Variants in ACAD9 observed in about 807,000 individuals in gnomAD.
ACAD9 encodes acyl-CoA dehydrogenase family member 9.
A neutral mutation model predicts 70.2 loss-of-function variants in ACAD9; 53 were observed. The observed-to-expected ratio is 0.75, with a 90% CI of 0.61 to 0.95. The LOEUF (loss-of-function observed/expected upper bound fraction) is 0.95, where lower values mean the gene tolerates loss of function less well. ACAD9 is among the 40% of genes least tolerant of loss of function. The pLI, the probability that ACAD9 is intolerant of heterozygous loss-of-function variation, is 0.00. For missense variants in ACAD9, 777 were observed against 802.8 expected (o/e 0.97, Z 0.39); for synonymous variants, 313 against 312.1 (o/e 1.00, Z -0.03).
chr3:128,896,390 T>C (rs1935570975), intron 4 of ACAD9, 46 bp from the exon 5 acceptor site: 35 of 1,573,162 alleles, frequency 2.2e-5, no homozygotes, highest in Non-Finnish European at 3.1e-5. Context: ...CCTCATGCTC[T>C]CCTTTCTCCC....
At chr3:128,906,927 G>T (rs907897206) in intron 12 of ACAD9, among the ~76,000 whole-genome samples, 1 of 152,214 alleles carries the variant, frequency 6.6e-6, no homozygotes, top group African/African-American at 2.4e-5. Flanking sequence ...TTATTTGGTT[G>T]TATCTGTGTT....
At chr3:128,897,855 AT>A (rs1010278347) in intron 6 of ACAD9, 145 bp downstream of exon 6, 46 of 817,448 alleles carry the variant, frequency 5.6e-5, no homozygotes, top group Non-Finnish European at 7.6e-5. Context: ...TTTGTTTTTA[AT>A]TTTTTTTAGT....
At chr3:128,909,565 A>C in intron 15 of ACAD9, 144 bp downstream of exon 15, 4 of 905,744 alleles carry the variant, frequency 4.4e-6, no homozygotes, top group Non-Finnish European at 6.9e-6. Context: ...TGGTGAGGTC[A>C]GGCTGACTTT....
chr3:128,912,567 G>C lies in ACAD9; in HGVS notation c.1826G>C (p.Arg609Pro). ...GTGTCCCAGCAGATCCTTGAGAAGC[G>C]AGCCTATATCTGTGCCCACCCTCTG... ...KKVSQQILEK[R>P]AYICAHPLDR... The change falls in exon 18 of 18, where the codon CGA becomes CCA. Residue 609 changes from arginine (R) to proline (P), a missense_variant. Transcript: ENST00000308982. The C allele has an allele frequency of 6.2e-7, 1 of 1,614,162 alleles. No individual in the cohort carries two copies. The highest frequency in any genetic ancestry group is 1.1e-5 in the South Asian group (1 of 91,082).
In ACAD9 at chr3:128,902,276, C is replaced by T. The variant is rs777784433; in HGVS notation, c.883-277C>T. ...TTGGTCTTGAACTCCTGGGCTCAAGCGATCCTCTTGCCTTGGCCTTCCAAA... is the reference window on the plus strand; with the variant it reads ...TTGGTCTTGAACTCCTGGGCTCAAGTGATCCTCTTGCCTTGGCCTTCCAAA... On this transcript the variant is annotated intron_variant, in intron 8 of 17. Transcript: ENST00000308982. The surrounding 1 kb of genome is among the most constrained non-coding windows in gnomAD (Gnocchi z 4.0). Among the ~76,000 whole-genome samples, 8 of 152,242 alleles carry T rather than the reference C, an allele frequency of 5.3e-5. No homozygotes were observed. Among genetic ancestry groups the T allele is most frequent in the South Asian group, 2.1e-4 (1 of 4,836 alleles).
At chr3:128,897,365 A>G (rs959222426) in intron 5 of ACAD9, among the ~76,000 whole-genome samples, 5 of 152,130 alleles carry the variant, frequency 3.3e-5, no homozygotes, top group Non-Finnish European at 7.4e-5. Context: ...TATTTTTAGT[A>G]GAGACGGGGT....
At chr3:128,910,196 CCTG>C (rs150666665) in intron 16 of ACAD9, 47 bp downstream of exon 16, 57,359 of 1,612,968 alleles carry the variant, frequency 0.036, 1,211 homozygotes, top group Middle Eastern at 0.096. Context: ...TGCCATCTGT[CCTG>C]CTGCACTTTA....
chr3:128,906,358 A>C, intron 12 of ACAD9, 109 bp downstream of exon 12: 1 of 1,539,516 alleles, frequency 6.5e-7, no homozygotes, highest in Non-Finnish European at 8.8e-7. Flanking sequence ...GCTGGGTCGC[A>C]TGCTCTCAGG....
At chr3:128,907,969 G>T (rs1301614649) in intron 12 of ACAD9, among the ~76,000 whole-genome samples, 1 of 152,174 alleles carries the variant, frequency 6.6e-6, no homozygotes, top group Non-Finnish European at 1.5e-5. Context: ...GAGGTGGGGG[G>T]GTCCCAGTGG....
At chr3:128,909,120 TA>T in intron 14 of ACAD9, 21 bp downstream of exon 14, 1 of 1,613,692 alleles carries the variant, frequency 6.2e-7, no homozygotes, top group Non-Finnish European at 8.5e-7. Context: ...CTAACAGGCA[TA>T]CCCCCTATTT....
chr3:128,891,356 C>T (rs577349373), intron 2 of ACAD9, among the ~76,000 whole-genome samples: 1 of 152,270 alleles, frequency 6.6e-6, no homozygotes, highest in Admixed American at 6.5e-5. Flanking sequence ...CATGGTGGCT[C>T]ATGCCCGTAA....
In ACAD9 at chr3:128,897,521, TAA is replaced by T. The variant is rs1020417383; in HGVS notation, c.555-108_555-107del. On this transcript the variant is annotated intron_variant, in intron 5 of 17. Transcript: ENST00000308982. The stretch of plus-strand genomic sequence containing the variant: ...GAATATGTTATCTGACCCTTCATTT[TAA>T]AAGTTTGCTGACCTCTTACAAGTAC... 113 of 962,178 alleles carry T rather than the reference TAA, an allele frequency of 1.2e-4. No individual in the cohort carries two copies. The African/African-American group carries it at 1.6e-3, about 13-fold the overall frequency. 59.6% of individuals were successfully genotyped at this position (962,178 alleles called of 1,614,324 possible).
intron 13 of ACAD9, 192 bp downstream of exon 13, chr3:128,908,456 CT>C: frequency 3.0e-6 from 2 of 668,980 alleles, no homozygotes; most frequent in South Asian, 3.4e-5. Flanking sequence ...CTGCCCTGCC[CT>C]TATGGCCACA....
chr3:128,889,143 T>TTTTTG (rs200964088), intron 2 of ACAD9, among the ~76,000 whole-genome samples: 48 of 151,920 alleles, frequency 3.2e-4, no homozygotes, highest in African/African-American at 1.2e-3. Flanking sequence ...CTGTACAGCT[T>TTTTTG]TTTTGTTTTG....
intron 2 of ACAD9, among the ~76,000 whole-genome samples, chr3:128,890,951 C>G (rs778553243): frequency 6.6e-6 from 1 of 151,276 alleles, no homozygotes; most frequent in Admixed American, 6.6e-5. Flanking sequence ...AAGCGATTCT[C>G]CTGCCTCAGC....
Position 128,890,785 on chromosome 3 carries a change from T to A in ACAD9, c.245-2770T>A, listed in dbSNP as rs976032228. On this transcript the variant is annotated intron_variant, in intron 2 of 17. Coordinates refer to ENST00000308982, the MANE Select transcript of ACAD9 (RefSeq NM_014049.5). The stretch of plus-strand genomic sequence containing the variant: ...TGCATTTCTTTATCAATTTTACAAT[T>A]TTCAATGTCTGCAAAAAGGCCTACA... Among the ~76,000 whole-genome samples, 4 of 152,204 alleles carry A rather than the reference T, an allele frequency of 2.6e-5. No individual in the cohort carries two copies. In the East Asian group the frequency reaches 7.7e-4, roughly 29 times the overall value.
chr3:128,909,468 G>A (rs1350403509), intron 15 of ACAD9, 47 bp downstream of exon 15: 2 of 1,586,886 alleles, frequency 1.3e-6, no homozygotes, highest in African/African-American at 2.7e-5. Context: ...CCTCCAATTT[G>A]GCCAGCATTC....
chr3:128,898,777 A>G (rs1935645429), intron 6 of ACAD9, among the ~76,000 whole-genome samples: 1 of 152,126 alleles, frequency 6.6e-6, no homozygotes, highest in Non-Finnish European at 1.5e-5. Context: ...GTTTGCTTGA[A>G]TTAAGATCCA....
chr3:128,908,186 G>C lies in ACAD9; in HGVS notation c.1280G>C (p.Gly427Ala), dbSNP rs1935957051. ...RDTRILLIFE[G>A]TNEILRMYIA... ...TGACCTCTACACTACTGACCACAGGGAACCAATGAGATTCTCCGGATGTAC... is the reference window on the plus strand; with the variant it reads ...TGACCTCTACACTACTGACCACAGGCAACCAATGAGATTCTCCGGATGTAC... Residue 427 changes from glycine (G) to alanine (A), a missense_variant and splice_region_variant, in exon 13 of 18, where the codon GGA becomes GCA. By Grantham distance (60) the Gly-to-Ala change is moderately conservative. Coordinates refer to ENST00000308982, the MANE Select transcript of ACAD9 (RefSeq NM_014049.5). 1 of 1,614,106 alleles carries C rather than the reference G, an allele frequency of 6.2e-7. No individual in the cohort carries two copies. Among genetic ancestry groups the C allele is most frequent in the South Asian group, 1.1e-5 (1 of 91,088 alleles).
Sources: allele counts gnomAD v4.1 joint callset (sites outside exome capture counted in the v4.1 genomes callset), GRCh38; gene constraint gnomAD v4.1.1; non-coding constraint Gnocchi (gnomAD v3.1); transcripts MANE v1.5; gene names NCBI Gene and HGNC (gene_info 2026-07-23, HGNC 2026-07-21).